Variants in ABCB10 observed in about 807,000 individuals in gnomAD.
ABCB10 encodes the protein ATP-binding cassette sub-family B member 10, mitochondrial.
Under a neutral mutation model 65.4 loss-of-function variants are expected in ABCB10, and 54 were observed. The ratio of observed to expected loss-of-function variants is 0.83; its 90% CI spans 0.66 to 1.04. The LOEUF is 1.04. Among genes scored for constraint, ABCB10 ranks in the 50% least tolerant of loss-of-function variants. The pLI is 0.00. For synonymous variants in ABCB10, 418 were observed against 406.5 expected, an observed-to-expected ratio of 1.03 and a Z score of -0.34; for missense variants, 846 against 976.6, an observed-to-expected ratio of 0.87 and a Z score of 1.78.
At position 229,530,328 on chromosome 1, in the gene ABCB10, C is replaced by G; in HGVS notation, c.1516G>C (p.Glu506Gln). ...NVHFAYPARPEVPIFQDFSLS... is the reference protein window; with the variant it reads ...NVHFAYPARPQVPIFQDFSLS... ...CTGAAATCCTGAAATATGGGCACCT[C>G]TGGGCGAGCTGGATAGGCAAAATGC... The change falls in exon 8 of 13, where the codon GAG (glutamate) becomes CAG (glutamine). Residue 506 changes from glutamate (E) to glutamine (Q), a missense_variant. By Grantham distance (29) the Glu-to-Gln change is conservative. Transcript: ENST00000344517. 1.9e-6 allele frequency: 3 copies of G among 1,614,164 alleles called. No individual in the cohort carries two copies. The highest frequency in any genetic ancestry group is 2.5e-6 in the Non-Finnish European group (3 of 1,180,026).
rs758653690 is a variant in ABCB10, at chr1:229,542,326, G to A, written c.967C>T (p.Pro323Ser). The A allele has an allele frequency of 6.8e-6, 11 of 1,613,946 alleles. No individual in the cohort carries two copies. Among genetic ancestry groups the A allele is most frequent in the Admixed American group, 1.7e-5 (1 of 59,992 alleles). Residue 323 changes from proline (P) to serine (S), a missense_variant, in exon 4 of 13, where the codon CCT becomes TCT. Around this residue, in one of 2 missense-constraint regions of ABCB10, gnomAD observed 632 missense variants for 803.2 expected, o/e 0.79. Transcript: ENST00000344517. ...ATTACAGCAATGATTGACACTGGAG[G>A]CACCACGCTCAAAACAAAGGTGGCC... ...NLATFVLSVV[P>S]PVSIIAVIYG...
chr1:229,558,341 A>G lies in ABCB10; in HGVS notation c.312T>C (p.Ala104=). The G allele has an allele frequency of 8.0e-7, 1 of 1,254,838 alleles. No homozygotes were observed. Among genetic ancestry groups the G allele is most frequent in the Admixed American group, 3.1e-5 (1 of 32,046 alleles). 77.7% of individuals were successfully genotyped at this position (1,254,838 alleles called of 1,614,324 possible). A position where few individuals can be genotyped will look rare whatever the true frequency, so the allele number is the denominator to read the frequency against. ...GCCGAGGAGCGCCTGGCCCGGCAAA[A>G]GCCCCGCACCTGCAGCTGCCGGGGC... The part of the protein sequence containing the change: ...ARGPGSCRCG[A]FAGPGAPRLP... The change falls in exon 1 of 13, where the codon GCT becomes GCC. Residue 104 remains alanine, a synonymous_variant. Transcript: ENST00000344517.
intron 6 of ABCB10, chr1:229,535,148 G>A (rs564011377): frequency 2.0e-5 from 3 of 150,136 alleles, no homozygotes; most frequent in South Asian, 2.1e-4. Flanking sequence ...ATCACGCCTC[G>A]GATAAACCTC....
chr1:229,548,518 C>A (rs372303879), intron 2 of ABCB10, among the ~76,000 whole-genome samples: 1 of 152,100 alleles, frequency 6.6e-6, no homozygotes, highest in African/African-American at 2.4e-5. Context: ...AAAAACAAGA[C>A]CTCTTCAGAG....
rs145356391 is a variant in ABCB10 at position 229,518,223 on chromosome 1, T to A, written c.2173A>T (p.Ile725Leu). 1 of 1,614,058 alleles carries A rather than the reference T, an allele frequency of 6.2e-7. No homozygotes were observed. Among genetic ancestry groups the A allele is most frequent in the African/African-American group, 1.3e-5 (1 of 74,930 alleles). Residue 725 changes from isoleucine to leucine, a missense_variant, in exon 13 of 13, where the codon ATA (isoleucine) becomes TTA (leucine). Ile to Leu is a conservative substitution (Grantham distance 5, BLOSUM62 2). Transcript: ENST00000344517. ...HEELLSKPNG[I>L]YRKLMNKQSF... ...TGTTTGTTCATTAGTTTTCTGTATA[T>A]CCCATTTGGTTTTGAAAGCAGCTCT...
chr1:229,530,879 A>G (rs1662569960), intron 7 of ABCB10, among the ~76,000 whole-genome samples: 1 of 152,236 alleles, frequency 6.6e-6, no homozygotes, highest in Non-Finnish European at 1.5e-5. Context: ...AGCGCTGCAC[A>G]GCAGCCGCAG....
rs1321807819 is a variant in ABCB10, at chr1:229,518,107, T to TA, written c.*71dup. On this transcript the variant is annotated 3_prime_UTR_variant, in exon 13 of 13. Coordinates refer to ENST00000344517, the MANE Select transcript of ABCB10 (RefSeq NM_012089.3). Reference sequence around the variant, plus strand: ...CTTGATATATGGTTTATGTATTTCATAGTCTCTGAGTTTTTTTTCTGCAAC... The same window carrying TA: ...CTTGATATATGGTTTATGTATTTCATAAGTCTCTGAGTTTTTTTTCTGCAAC... 6.3e-5 allele frequency: 69 copies of TA among 1,098,366 alleles called. 1 individual carries two copies. The highest frequency in any genetic ancestry group is 1.4e-6 in the Non-Finnish European group (1 of 737,490). The allele number at this position is 1,098,366 out of a possible 1,614,324, so 68.0% of individuals were successfully genotyped here.
At chr1:229,556,567 C>T (rs1663251648) in intron 1 of ABCB10, among the ~76,000 whole-genome samples, 2 of 152,078 alleles carry the variant, frequency 1.3e-5, no homozygotes, top group Non-Finnish European at 2.9e-5. Context: ...AGGCTGTCAC[C>T]AAAACATACT....
intron 3 of ABCB10, among the ~76,000 whole-genome samples, chr1:229,542,635 C>T (rs1307027749): frequency 6.6e-6 from 1 of 150,734 alleles, no homozygotes; most frequent in Non-Finnish European, 1.5e-5. Context: ...AAGAAAGAAT[C>T]CTCAGGCCAA....
intron 6 of ABCB10, among the ~76,000 whole-genome samples, chr1:229,537,634 C>CA (rs971762742): frequency 6.6e-6 from 1 of 151,890 alleles, no homozygotes; most frequent in African/African-American, 2.4e-5. Flanking sequence ...TAAAAAAATC[C>CA]AAAAAATTAG....
At chr1:229,557,308 T>A (rs1040744977) in intron 1 of ABCB10, among the ~76,000 whole-genome samples, 1 of 152,170 alleles carries the variant, frequency 6.6e-6, no homozygotes, top group African/African-American at 2.4e-5. Context: ...TAGATGCTTC[T>A]CCCCACTAAC....
intron 6 of ABCB10, 76 bp from the exon 7 acceptor site, chr1:229,531,807 T>TGGTG: frequency 7.2e-6 from 8 of 1,111,680 alleles, no homozygotes; most frequent in Non-Finnish European, 1.0e-5. Context: ...CTGAGAGGAG[T>TGGTG]GACAATGATT....
chr1:229,542,411 TTGGG>T, intron 3 of ABCB10, 40 bp from the exon 4 acceptor site: 1 of 1,597,746 alleles, frequency 6.3e-7, no homozygotes. Context: ...GTTTGTTACA[TTGGG>T]TGGCAAGACA....
chr1:229,525,831 CA>C, intron 10 of ABCB10, 104 bp downstream of exon 10: 1 of 1,389,232 alleles, frequency 7.2e-7, no homozygotes, highest in Non-Finnish European at 9.8e-7. Context: ...GAGCAAGACT[CA>C]AGACTCCGTC....
chr1:229,532,096 G>A (rs1266098230), intron 6 of ABCB10, among the ~76,000 whole-genome samples: 2 of 151,964 alleles, frequency 1.3e-5, no homozygotes, highest in South Asian at 2.1e-4. Context: ...GGGATTACAG[G>A]CGCAAGCCAC....
At chr1:229,548,205 T>C (rs1663016015) in intron 2 of ABCB10, among the ~76,000 whole-genome samples, 1 of 152,106 alleles carries the variant, frequency 6.6e-6, no homozygotes, top group Non-Finnish European at 1.5e-5. Context: ...AGTCTTGCTA[T>C]GTAGCTCAGG....
intron 1 of ABCB10, among the ~76,000 whole-genome samples, chr1:229,557,913 AAAC>A (rs1352968759): frequency 6.6e-6 from 1 of 152,222 alleles, no homozygotes; most frequent in African/African-American, 2.4e-5. Flanking sequence ...GTCAACAAGA[AAAC>A]AAGTGTAAAA....
chr1:229,528,393 G>C (rs180941958), intron 8 of ABCB10, among the ~76,000 whole-genome samples: 1 of 151,196 alleles, frequency 6.6e-6, no homozygotes, highest in African/African-American at 2.4e-5. Context: ...TCAAACTCCC[G>C]GGCTCAAGCT....
At chr1:229,521,932 T>C (rs1426397516) in intron 10 of ABCB10, among the ~76,000 whole-genome samples, 3 of 151,268 alleles carry the variant, frequency 2.0e-5, no homozygotes, top group African/African-American at 7.3e-5. Context: ...AGTGGCATGA[T>C]CACGGCTCAT....
Sources: allele counts gnomAD v4.1 joint callset (sites outside exome capture counted in the v4.1 genomes callset), GRCh38; gene constraint gnomAD v4.1.1; regional missense constraint gnomAD v4.1.1; transcripts MANE v1.5; gene names NCBI Gene and HGNC (gene_info 2026-07-23, HGNC 2026-07-21).